KLF12: variants seen among roughly 807,000 people sequenced by gnomAD.
KLF12 encodes Krueppel-like factor 12.
Under a neutral mutation model 37.8 loss-of-function variants are expected in KLF12, and 9 were observed. That is an observed-to-expected ratio of 0.24 (90% CI 0.14 to 0.42). The LOEUF (loss-of-function observed/expected upper bound fraction) is 0.42. KLF12 is among the 10% of genes least tolerant of loss of function. KLF12 has a pLI of 1.00. For synonymous variants in KLF12, 208 were observed against 202.1 expected, an observed-to-expected ratio of 1.03 and a Z score of -0.25; for missense variants, 411 against 516.0, an observed-to-expected ratio of 0.80 and a Z score of 1.97.
In KLF12 at chr13:73,914,674, C is replaced by T. The variant is rs557442353; in HGVS notation, c.123+29307G>A. 4.6e-5 allele frequency among the ~76,000 whole-genome samples: 7 copies of T among 152,246 alleles called. No homozygotes were observed. In the South Asian group the frequency reaches 8.3e-4, roughly 18 times the overall value. On this transcript the variant is annotated intron_variant, in intron 3 of 7. Coordinates refer to ENST00000377669, the MANE Select transcript of KLF12 (RefSeq NM_007249.5). ...AGGAAAAAATGCAAGAGACAGCACA[C>T]GGGGCTATTCTAGCACAGTCTCTTC...
At chr13:74,234,955 CCTAT>C in the KLF12 span, among the ~76,000 whole-genome samples, 3 of 129,176 alleles carry the variant, frequency 2.3e-5, no homozygotes, top group African/African-American at 1.1e-4. Context: ...TCTCTATCTA[CCTAT>C]CTATCTATCT....
the KLF12 span, among the ~76,000 whole-genome samples, chr13:74,299,650 A>AAAC: frequency 1.3e-5 from 2 of 152,162 alleles, no homozygotes; most frequent in African/African-American, 4.8e-5. Flanking sequence ...AATAAGACAT[A>AAAC]TTTTTTGAAG....
chr13:73,788,016 A>T (rs974196261), intron 5 of KLF12, among the ~76,000 whole-genome samples: 1 of 152,186 alleles, frequency 6.6e-6, no homozygotes, highest in Non-Finnish European at 1.5e-5. Context: ...ATAAAAACAC[A>T]CTTTATTTAA....
the KLF12 span, among the ~76,000 whole-genome samples, chr13:74,301,888 C>T: frequency 6.6e-6 from 1 of 152,088 alleles, no homozygotes; most frequent in African/African-American, 2.4e-5. Flanking sequence ...AAATGACCGC[C>T]CAGCACCCTC....
At chr13:74,096,482 G>A (rs185200023) in intron 1 of KLF12, among the ~76,000 whole-genome samples, 240 of 152,284 alleles carry the variant, frequency 1.6e-3, no homozygotes, top group African/African-American at 5.5e-3. Context: ...TACTATGCAA[G>A]ATGTACACTA....
At chr13:73,793,388 T>C (rs1279516049) in intron 5 of KLF12, among the ~76,000 whole-genome samples, 1 of 152,196 alleles carries the variant, frequency 6.6e-6, no homozygotes, top group Non-Finnish European at 1.5e-5. Context: ...AAAATTAAAA[T>C]TCATTAAAAT....
At chr13:73,728,984 A>C (rs1876862744) in intron 6 of KLF12, among the ~76,000 whole-genome samples, 1 of 152,164 alleles carries the variant, frequency 6.6e-6, no homozygotes, top group African/African-American at 2.4e-5. Context: ...TTACACTAAG[A>C]TCCATTCCTT....
the KLF12 span, among the ~76,000 whole-genome samples, chr13:74,271,567 G>T: frequency 6.6e-6 from 1 of 152,172 alleles, no homozygotes; most frequent in Non-Finnish European, 1.5e-5. Flanking sequence ...CCAAAGGAAA[G>T]TCACTTTCTC....
chr13:73,843,326 T>A (rs1375980956), intron 4 of KLF12, among the ~76,000 whole-genome samples: 1 of 151,806 alleles, frequency 6.6e-6, no homozygotes, highest in East Asian at 1.9e-4. Context: ...TTTTTTTAGA[T>A]AAGAGTCTCA....
intron 5 of KLF12, among the ~76,000 whole-genome samples, chr13:73,797,936 T>TG (rs1188393185): frequency 6.6e-6 from 1 of 152,134 alleles, no homozygotes; most frequent in African/African-American, 2.4e-5. Context: ...TTCCTGATTG[T>TG]TTTTTGGCGT....
chr13:73,971,662 C>G (rs1335925781), intron 2 of KLF12, among the ~76,000 whole-genome samples: 1 of 152,118 alleles, frequency 6.6e-6, no homozygotes, highest in Non-Finnish European at 1.5e-5. Context: ...TCATCACCAT[C>G]AAGAGACCTT....
intron 5 of KLF12, among the ~76,000 whole-genome samples, chr13:73,776,303 G>C (rs1880603972): frequency 6.6e-6 from 1 of 152,136 alleles, no homozygotes. Context: ...TTTCCTCACT[G>C]CCAATACTGA....
At chr13:73,724,154 A>G (rs1319846450) in intron 6 of KLF12, among the ~76,000 whole-genome samples, 1 of 152,210 alleles carries the variant, frequency 6.6e-6, no homozygotes, top group Admixed American at 6.5e-5. Flanking sequence ...ATGCCCACCA[A>G]TGATAGACTG....
rs188103266 is a variant in KLF12 at position 73,719,116 on chromosome 13, C to T, written c.870-3591G>A. 8.0e-4 allele frequency among the ~76,000 whole-genome samples: 122 copies of T among 152,248 alleles called. 1 individual carries two copies. Among genetic ancestry groups the T allele is most frequent in the Middle Eastern group, 6.8e-3 (2 of 294 alleles). On this transcript the variant is annotated intron_variant, in intron 6 of 7. Transcript: ENST00000377669. ...CAAAGAATCCTTGGCTAAGCCTATG[C>T]CTTTCAGAACTGCTGATTTGATCTT...
At chr13:74,269,665 A>G in the KLF12 span, among the ~76,000 whole-genome samples, 2 of 152,182 alleles carry the variant, frequency 1.3e-5, no homozygotes, top group South Asian at 4.1e-4. Flanking sequence ...GTTTAGGGGT[A>G]TTTGTTATAT....
At chr13:74,166,882 C>T in the KLF12 span, among the ~76,000 whole-genome samples, 1 of 152,208 alleles carries the variant, frequency 6.6e-6, no homozygotes, top group African/African-American at 2.4e-5. Flanking sequence ...ATTTATATCA[C>T]CCAGGCTTCT....
chr13:74,304,686 T>C, the KLF12 span, among the ~76,000 whole-genome samples: 1 of 152,036 alleles, frequency 6.6e-6, no homozygotes, highest in Non-Finnish European at 1.5e-5. Context: ...GATAGTATGG[T>C]AGGGAGACGG....
intron 2 of KLF12, among the ~76,000 whole-genome samples, chr13:73,991,503 C>T (rs1489401424): frequency 6.6e-5 from 10 of 152,196 alleles, no homozygotes; most frequent in Non-Finnish European, 2.9e-5. Context: ...TAGAACTTGA[C>T]AGTTTTAAAC....
the KLF12 span, among the ~76,000 whole-genome samples, chr13:74,186,359 A>G: frequency 6.6e-6 from 1 of 152,144 alleles, no homozygotes; most frequent in Non-Finnish European, 1.5e-5. Flanking sequence ...GGGTGTTTAT[A>G]TGAGGCCGTG....
Sources: gnomAD v4.1 joint callset for allele counts (sites outside exome capture counted in the v4.1 genomes callset) on GRCh38, gnomAD v4.1.1 for gene constraint, MANE v1.5 for transcripts, NCBI Gene and HGNC (gene_info 2026-07-23, HGNC 2026-07-21) for gene names.